The following DNAH12 variants were observed in gnomAD, a reference collection of about 807,000 sequenced individuals.
DNAH12 encodes dynein axonemal heavy chain 12.
Under a neutral mutation model 371.5 loss-of-function variants are expected in DNAH12, and 285 were observed. The ratio of observed to expected loss-of-function variants is 0.77; its 90% confidence interval spans 0.70 to 0.85. DNAH12 has a LOEUF of 0.85. Ranked by LOEUF, DNAH12 falls within the 40% of genes least tolerant of loss-of-function variation. DNAH12 has a pLI of 0.00. For synonymous variants in DNAH12, 1,200 were observed against 1,213.0 expected (o/e 0.99, Z 0.22); for missense variants, 3,611 against 3,689.4 (o/e 0.98, Z 0.55).
intron 37 of DNAH12, among the ~76,000 whole-genome samples, chr3:57,418,648 TA>T (rs1431297611): frequency 6.6e-6 from 1 of 152,042 alleles, no homozygotes; most frequent in Non-Finnish European, 1.5e-5. Flanking sequence ...AAAATAGGGG[TA>T]AACTAATTTT....
chr3:57,418,393 A>G (rs1447109948), intron 37 of DNAH12, among the ~76,000 whole-genome samples: 3 of 126,610 alleles, frequency 2.4e-5, no homozygotes, highest in African/African-American at 9.1e-5. Flanking sequence ...AAAAAAAAAA[A>G]GCCAGGCATA....
chr3:57,501,086 T>C (rs1226431884), intron 11 of DNAH12, among the ~76,000 whole-genome samples: 2 of 152,246 alleles, frequency 1.3e-5, no homozygotes, highest in Non-Finnish European at 2.9e-5. Context: ...CACCCTTTCA[T>C]TTATTTTTGC....
chr3:57,359,559 C>CAAAAAAAAAAA (rs1268515074), intron 58 of DNAH12, among the ~76,000 whole-genome samples: 2 of 72,096 alleles, frequency 2.8e-5, no homozygotes, highest in Non-Finnish European at 5.6e-5. Flanking sequence ...AACTCCATCT[C>CAAAAAAAAAAA]AAAAAAAAAA....
chr3:57,458,787 AACG>A (rs2153376365), intron 20 of DNAH12, among the ~76,000 whole-genome samples: 1 of 152,340 alleles, frequency 6.6e-6, no homozygotes, highest in Admixed American at 6.5e-5. Context: ...TTCTCACTGC[AACG>A]ACAACAGAAT....
chr3:57,542,164 G>GCGC (rs1553725215), intron 2 of DNAH12, among the ~76,000 whole-genome samples: 2 of 123,248 alleles, frequency 1.6e-5, no homozygotes, highest in African/African-American at 7.5e-5. Flanking sequence ...CTGGGGGGGG[G>GCGC]GGGGGCGGTG....
Position 57,293,711 on chromosome 3 carries a change from A to C in DNAH12, c.*70T>G. 7.0e-7 allele frequency: 1 copy of C among 1,434,586 alleles called. No individual in the cohort carries two copies. The highest frequency in any genetic ancestry group is 9.4e-7 in the Non-Finnish European group (1 of 1,067,114). The allele number at this position is 1,434,586 out of a possible 1,614,324, so 88.9% of individuals were successfully genotyped here. ...TAACACCAAAACACTTGGTTTTATA[A>C]TGTATATATTTTAAGTAGGACAGGT... is the stretch of plus-strand genomic sequence containing the variant. On this transcript the variant is annotated 3_prime_UTR_variant, in exon 74 of 74. Coordinates refer to ENST00000495027, the MANE Select transcript of DNAH12 (RefSeq NM_001366028.2).
chr3:57,347,546 T>C (rs2062570424), intron 60 of DNAH12, among the ~76,000 whole-genome samples: 1 of 151,886 alleles, frequency 6.6e-6, no homozygotes. Flanking sequence ...TAAAACCCTG[T>C]CTCAATGAAA....
intron 57 of DNAH12, 54 bp downstream of exon 57, chr3:57,366,675 G>A (rs1165985043): frequency 6.6e-5 from 10 of 152,152 alleles, no homozygotes; most frequent in African/African-American, 1.2e-4. Flanking sequence ...AAATATTAAT[G>A]ACCTACAAAT....
At chr3:57,527,881 A>G (rs965374163) in intron 2 of DNAH12, among the ~76,000 whole-genome samples, 2 of 152,118 alleles carry the variant, frequency 1.3e-5, no homozygotes, top group South Asian at 2.1e-4. Flanking sequence ...TTTTAACTTG[A>G]TATGATCCCA....
chr3:57,459,830 A>C (rs766310327), intron 19 of DNAH12, 44 bp from the exon 20 acceptor site: 2 of 1,285,996 alleles, frequency 1.6e-6, no homozygotes, highest in Non-Finnish European at 2.0e-6. Flanking sequence ...TATTAAAGAA[A>C]GGCTATAAAT....
At chr3:57,477,669 C>T (rs1474046339) in intron 13 of DNAH12, among the ~76,000 whole-genome samples, 1 of 152,120 alleles carries the variant, frequency 6.6e-6, no homozygotes, top group African/African-American at 2.4e-5. Flanking sequence ...CTGGGAGGCA[C>T]CCCCCAGTAG....
chr3:57,516,207 G>A (rs916280235), intron 4 of DNAH12, among the ~76,000 whole-genome samples: 1 of 151,844 alleles, frequency 6.6e-6, no homozygotes, highest in Non-Finnish European at 1.5e-5. Flanking sequence ...GGGATTACAG[G>A]CGTGGGCCAC....
intron 43 of DNAH12, among the ~76,000 whole-genome samples, chr3:57,402,654 A>G (rs573925648): frequency 3.9e-4 from 60 of 152,318 alleles, no homozygotes; most frequent in African/African-American, 1.3e-3. Context: ...GGAGGTAGAG[A>G]GTAGAAAGAC....
intron 49 of DNAH12, 35 bp from the exon 50 acceptor site, chr3:57,382,428 T>G (rs890396519): frequency 6.6e-6 from 1 of 152,040 alleles, no homozygotes; most frequent in Non-Finnish European, 1.5e-5. Context: ...ACAGGACATA[T>G]TCAGAATAGT....
At chr3:57,521,619 G>A (rs2068448937) in intron 4 of DNAH12, among the ~76,000 whole-genome samples, 1 of 152,258 alleles carries the variant, frequency 6.6e-6, no homozygotes, top group Admixed American at 6.5e-5. Flanking sequence ...TGGGTGCGGT[G>A]GCTCCGCCTG....
At position 57,413,928 on chromosome 3, in the gene DNAH12, A is replaced by G; in HGVS notation, c.5854-16T>C. On this transcript the variant is annotated splice_polypyrimidine_tract_variant and intron_variant, in intron 38 of 73. Coordinates refer to ENST00000495027, the MANE Select transcript of DNAH12 (RefSeq NM_001366028.2). ...TGATAATGTTCTAAAATATGAAGGA[A>G]GAATGGTATATTTACCTATAATTGA... The G allele has an allele frequency of 1.3e-6, 2 of 1,546,636 alleles. No homozygotes were observed.
intron 60 of DNAH12, among the ~76,000 whole-genome samples, chr3:57,336,050 T>C (rs1034427172): frequency 6.6e-6 from 1 of 152,184 alleles, no homozygotes; most frequent in Non-Finnish European, 1.5e-5. Flanking sequence ...GGCACAATCA[T>C]AGTTCACTGC....
chr3:57,342,443 A>G (rs1202588195), intron 60 of DNAH12, among the ~76,000 whole-genome samples: 5 of 138,220 alleles, frequency 3.6e-5, no homozygotes, highest in African/African-American at 1.3e-4. Context: ...GTTCGAGACC[A>G]GCCTGGCCAA....
chr3:57,498,346 T>A (rs907161982), intron 11 of DNAH12: 2 of 599,124 alleles, frequency 3.3e-6, no homozygotes, highest in African/African-American at 3.7e-5. Flanking sequence ...ACAAAGAGTT[T>A]TGCTCTGTCA....
Sources: gnomAD v4.1 joint callset for allele counts (sites outside exome capture counted in the v4.1 genomes callset) on GRCh38, gnomAD v4.1.1 for gene constraint, MANE v1.5 for transcripts, NCBI Gene and HGNC (gene_info 2026-07-23, HGNC 2026-07-21) for gene names.